PSMB7: variants seen among roughly 807,000 people sequenced by gnomAD.
The protein encoded by PSMB7 is proteasome subunit beta type-7.
In PSMB7, 5 loss-of-function variants were observed where a neutral mutation model predicts 28.1. The ratio of observed to expected loss-of-function variants is 0.18; its 90% confidence interval spans 0.09 to 0.37. PSMB7 has a LOEUF of 0.37. PSMB7 is among the 10% of genes least tolerant of loss of function. The probability of loss-of-function intolerance (pLI) is 1.00; values close to 1 mark genes in which losing one functional copy is unlikely to be tolerated. For missense variants in PSMB7, 275 were observed against 346.2 expected (o/e 0.79, Z 1.63); for synonymous variants, 122 against 123.7 (o/e 0.99, Z 0.09).
At chr9:124,405,593 A>G (rs763407032) in intron 4 of PSMB7, among the ~76,000 whole-genome samples, 161 bp from the exon 5 acceptor site, 3 of 152,244 alleles carry the variant, frequency 2.0e-5, no homozygotes, top group Non-Finnish European at 2.9e-5. Context: ...GGAAGGGAAC[A>G]TTAGATGAAC....
intron 6 of PSMB7, among the ~76,000 whole-genome samples, chr9:124,370,439 T>A (rs1405269492): frequency 6.6e-6 from 1 of 152,118 alleles, no homozygotes; most frequent in African/African-American, 2.4e-5. Flanking sequence ...TCATCCCTCT[T>A]AAGAATCGCC....
intron 5 of PSMB7, among the ~76,000 whole-genome samples, chr9:124,404,807 C>G (rs1187670813): frequency 6.6e-6 from 1 of 152,094 alleles, no homozygotes; most frequent in Non-Finnish European, 1.5e-5. Context: ...GAGCCGAGAT[C>G]ATGCCACTGC....
intron 6 of PSMB7, among the ~76,000 whole-genome samples, chr9:124,371,115 C>T (rs1473836889): frequency 1.3e-5 from 2 of 152,118 alleles, no homozygotes; most frequent in African/African-American, 2.4e-5. Flanking sequence ...CTTTAGGGTC[C>T]GGGAGTCCCG....
chr9:124,384,561 T>G, intron 6 of PSMB7, 37 bp downstream of exon 6: 1 of 1,577,814 alleles, frequency 6.3e-7, no homozygotes, highest in Non-Finnish European at 8.6e-7. Flanking sequence ...ACCAGAAAAA[T>G]CTTTGAAAAA....
chr9:124,368,341 T>TA (rs1698867102), intron 6 of PSMB7, among the ~76,000 whole-genome samples: 2 of 152,378 alleles, frequency 1.3e-5, no homozygotes, highest in Admixed American at 1.3e-4. Context: ...TAAAGTACTT[T>TA]ACCTCTAAAA....
intron 6 of PSMB7, among the ~76,000 whole-genome samples, chr9:124,382,454 C>T (rs561882159): frequency 3.4e-4 from 51 of 151,952 alleles, no homozygotes; most frequent in Non-Finnish European, 6.0e-4. Context: ...GTGATCCACC[C>T]GCCTCAGCCT....
intron 5 of PSMB7, among the ~76,000 whole-genome samples, chr9:124,390,500 A>C (rs781485653): frequency 1.3e-5 from 2 of 152,250 alleles, no homozygotes; most frequent in African/African-American, 4.8e-5. Flanking sequence ...CTATACACAC[A>C]GACATTAAAC....
intron 6 of PSMB7, among the ~76,000 whole-genome samples, chr9:124,361,334 G>A (rs866128950): frequency 3.3e-5 from 5 of 152,108 alleles, no homozygotes; most frequent in Non-Finnish European, 5.9e-5. Context: ...TCCATTTACC[G>A]CTACATGACA....
intron 4 of PSMB7, among the ~76,000 whole-genome samples, chr9:124,411,625 A>C (rs981869748): frequency 1.4e-4 from 22 of 152,366 alleles, no homozygotes; most frequent in African/African-American, 4.8e-4. Flanking sequence ...ACACACTTTG[A>C]AAACTGCCAA....
intron 6 of PSMB7, among the ~76,000 whole-genome samples, chr9:124,369,160 T>A (rs544077305): frequency 5.9e-5 from 9 of 152,322 alleles, no homozygotes; most frequent in African/African-American, 2.2e-4. Flanking sequence ...CTGCAAATAT[T>A]TTTAAAAATC....
chr9:124,408,494 CA>C (rs1830991271), intron 4 of PSMB7, among the ~76,000 whole-genome samples: 1 of 152,026 alleles, frequency 6.6e-6, no homozygotes, highest in African/African-American at 2.4e-5. Flanking sequence ...ATGACACCAC[CA>C]AAAATTATGA....
chr9:124,399,291 C>T (rs557910882), intron 5 of PSMB7, among the ~76,000 whole-genome samples: 1 of 152,312 alleles, frequency 6.6e-6, no homozygotes, highest in African/African-American at 2.4e-5. Context: ...AGAAGCTGCT[C>T]TCAGAGGTCT....
At chr9:124,360,628 T>G (rs943208678) in intron 6 of PSMB7, among the ~76,000 whole-genome samples, 1 of 152,228 alleles carries the variant, frequency 6.6e-6, no homozygotes, top group Non-Finnish European at 1.5e-5. Context: ...CAGCTTCCTT[T>G]TGCTTTCAGA....
At chr9:124,405,273 G>GT in intron 5 of PSMB7, 44 bp downstream of exon 5, 2 of 1,329,408 alleles carry the variant, frequency 1.5e-6, no homozygotes, top group South Asian at 2.4e-5. Flanking sequence ...GACCATCGTG[G>GT]TAAGTAAGAG....
chr9:124,361,524 A>G (rs989813706), intron 6 of PSMB7, among the ~76,000 whole-genome samples: 1 of 152,262 alleles, frequency 6.6e-6, no homozygotes, highest in Non-Finnish European at 1.5e-5. Context: ...TAAATAACTC[A>G]GCATGGAAGG....
intron 6 of PSMB7, among the ~76,000 whole-genome samples, chr9:124,357,519 C>T (rs545062202): frequency 2.6e-5 from 4 of 152,306 alleles, no homozygotes; most frequent in East Asian, 1.9e-4. Flanking sequence ...AGACCAAGGG[C>T]GGGACCTCTT....
At chr9:124,399,203 G>A (rs1169091313) in intron 5 of PSMB7, among the ~76,000 whole-genome samples, 1 of 152,174 alleles carries the variant, frequency 6.6e-6, no homozygotes, top group East Asian at 1.9e-4. Flanking sequence ...CAAACAAGTT[G>A]GAGAATCAGA....
chr9:124,387,236 A>T, intron 5 of PSMB7, among the ~76,000 whole-genome samples: 1 of 152,102 alleles, frequency 6.6e-6, no homozygotes, highest in East Asian at 1.9e-4. Context: ...ACAGAGCAAG[A>T]CTCTGTCTCA....
At chr9:124,406,211 T>G (rs1405681909) in intron 4 of PSMB7, among the ~76,000 whole-genome samples, 3 of 151,932 alleles carry the variant, frequency 2.0e-5, no homozygotes, top group Admixed American at 6.6e-5. Context: ...ATTATCAACC[T>G]GGCCACAAAG....
Sources: gnomAD v4.1 joint callset for allele counts (sites outside exome capture counted in the v4.1 genomes callset) on GRCh38, gnomAD v4.1.1 for gene constraint, MANE v1.5 for transcripts, NCBI Gene and HGNC (gene_info 2026-07-23, HGNC 2026-07-21) for gene names.